The following ENTREP1 variants were observed in gnomAD, a reference collection of about 807,000 sequenced individuals.
ENTREP1 encodes the protein Friedreich ataxia region gene X123.
chr9:69,340,575 A>C, the ENTREP1 span, among the ~76,000 whole-genome samples: 5 of 133,400 alleles, frequency 3.7e-5, no homozygotes, highest in Non-Finnish European at 8.3e-5. Flanking sequence ...GACTAAGAAT[A>C]AGCTAGGAAG....
the ENTREP1 span, among the ~76,000 whole-genome samples, chr9:69,332,645 A>G: frequency 1.1e-4 from 16 of 152,212 alleles, no homozygotes; most frequent in African/African-American, 3.9e-4. Flanking sequence ...TGTTGCTACC[A>G]TATGCAAACA....
chr9:69,366,156 C>G, the ENTREP1 span, among the ~76,000 whole-genome samples: 4 of 152,100 alleles, frequency 2.6e-5, no homozygotes, highest in East Asian at 5.8e-4. Context: ...CAATGTATAA[C>G]AGTTCCTTTC....
chr9:69,324,666 G>T, the ENTREP1 span: 8 of 985,016 alleles, frequency 8.1e-6, no homozygotes, highest in Admixed American at 1.2e-4. Flanking sequence ...CGGTAACTGC[G>T]CTCGGCGTCG....
chr9:69,388,686 G>A, the ENTREP1 span, among the ~76,000 whole-genome samples: 1 of 152,178 alleles, frequency 6.6e-6, no homozygotes, highest in East Asian at 1.9e-4. Context: ...TTTCTGGGAT[G>A]TGGAAGCATG....
the ENTREP1 span, among the ~76,000 whole-genome samples, chr9:69,353,421 T>C: frequency 6.6e-6 from 1 of 152,244 alleles, no homozygotes; most frequent in Non-Finnish European, 1.5e-5. Context: ...TGTCTCTACA[T>C]AAATAGATAT....
the ENTREP1 span, among the ~76,000 whole-genome samples, chr9:69,326,725 T>A: frequency 6.6e-6 from 1 of 151,828 alleles, no homozygotes; most frequent in Non-Finnish European, 1.5e-5. Flanking sequence ...CTTTTTTTTT[T>A]AATTTTTAAT....
chr9:69,358,072 G>C, the ENTREP1 span, among the ~76,000 whole-genome samples: 1 of 152,134 alleles, frequency 6.6e-6, no homozygotes. Context: ...GGCAGTTAGA[G>C]TCTCAGCAAG....
At chr9:69,384,236 G>A in the ENTREP1 span, among the ~76,000 whole-genome samples, 1 of 152,098 alleles carries the variant, frequency 6.6e-6, no homozygotes, top group Non-Finnish European at 1.5e-5. Context: ...ATCCTGTCTG[G>A]TATTGTGTTA....
the ENTREP1 span, among the ~76,000 whole-genome samples, chr9:69,359,244 C>G: frequency 6.6e-6 from 1 of 152,070 alleles, no homozygotes; most frequent in African/African-American, 2.4e-5. Context: ...CATGTGATGC[C>G]AGACAGATGT....
At chr9:69,367,814 CAT>C in the ENTREP1 span, among the ~76,000 whole-genome samples, 49,539 of 111,180 alleles carry the variant, frequency 0.45, 11,951 homozygotes, top group African/African-American at 0.54. Flanking sequence ...TATATACACA[CAT>C]ATATATAAAT....
At chr9:69,341,450 T>A in the ENTREP1 span, among the ~76,000 whole-genome samples, 2 of 152,104 alleles carry the variant, frequency 1.3e-5, no homozygotes, top group Non-Finnish European at 1.5e-5. Context: ...CCTCATTACC[T>A]GAAGAGACTA....
the ENTREP1 span, among the ~76,000 whole-genome samples, chr9:69,369,371 T>C: frequency 6.6e-6 from 1 of 152,144 alleles, no homozygotes; most frequent in Non-Finnish European, 1.5e-5. Context: ...CTGGGTCAAA[T>C]GGAATTTCTG....
At chr9:69,357,849 T>G in the ENTREP1 span, among the ~76,000 whole-genome samples, 4 of 152,208 alleles carry the variant, frequency 2.6e-5, no homozygotes, top group Admixed American at 6.5e-5. Context: ...TTTTTTCCAG[T>G]GCCATCGTGT....
chr9:69,377,443 A>G, the ENTREP1 span: 3 of 1,613,724 alleles, frequency 1.9e-6, no homozygotes, highest in Non-Finnish European at 8.5e-7. Context: ...GCCCTCCGCT[A>G]CCTCCAGATA....
chr9:69,379,140 C>T, the ENTREP1 span, among the ~76,000 whole-genome samples: 5 of 152,180 alleles, frequency 3.3e-5, no homozygotes, highest in Non-Finnish European at 7.3e-5. Flanking sequence ...TTTTTAATCC[C>T]TGTAGTACAT....
At chr9:69,386,207 A>G in the ENTREP1 span, 13 of 297,540 alleles carry the variant, frequency 4.4e-5, no homozygotes, top group African/African-American at 1.7e-4. Flanking sequence ...ACATGATACT[A>G]TGCTAGGTAC....
chr9:69,340,666 C>CATGT, the ENTREP1 span, among the ~76,000 whole-genome samples: 5 of 108,650 alleles, frequency 4.6e-5, no homozygotes, highest in East Asian at 2.7e-4. Context: ...TGTGTGTGTG[C>CATGT]GTGTGTGTGT....
At chr9:69,390,239 T>C in the ENTREP1 span, among the ~76,000 whole-genome samples, 3 of 152,230 alleles carry the variant, frequency 2.0e-5, no homozygotes, top group Admixed American at 6.5e-5. Flanking sequence ...TTTGGAGGAA[T>C]AATCTTTTAA....
At chr9:69,365,025 T>C in the ENTREP1 span, among the ~76,000 whole-genome samples, 1 of 152,232 alleles carries the variant, frequency 6.6e-6, no homozygotes, top group Non-Finnish European at 1.5e-5. Context: ...AGTAGCCACA[T>C]TCATTGTATG....
Sources: allele counts gnomAD v4.1 joint callset (sites outside exome capture counted in the v4.1 genomes callset), GRCh38; gene constraint gnomAD v4.1.1; transcripts MANE v1.5; gene names NCBI Gene and HGNC (gene_info 2026-07-23, HGNC 2026-07-21).